Variants in KIF23 observed in about 807,000 individuals in gnomAD.
KIF23 encodes kinesin-like protein KIF23.
A neutral mutation model predicts 137.5 loss-of-function variants in KIF23; 30 were observed. That is an observed-to-expected ratio of 0.22 (90% CI 0.16 to 0.30). KIF23 has a LOEUF of 0.30. Among genes scored for constraint, KIF23 ranks in the 10% least tolerant of loss-of-function variants. The pLI is 1.00. For synonymous variants in KIF23, 367 were observed against 391.1 expected, an observed-to-expected ratio of 0.94 and a Z score of 0.73; for missense variants, 920 against 1,194.3, an observed-to-expected ratio of 0.77 and a Z score of 3.38.
intron 11 of KIF23, chr15:69,434,969 G>A (rs2057440252): frequency 1.6e-6 from 1 of 638,816 alleles, no homozygotes; most frequent in Non-Finnish European, 2.7e-6. Flanking sequence ...CCTCAGGTGT[G>A]TAGGCCGTGG....
chr15:69,419,159 T>C lies in KIF23; in HGVS notation c.210+1648T>C, dbSNP rs527562002. ...AAGAAACAAACAAACAAAAAACAAC[T>C]TTCTAAACATTTAAGTAGTCTGGTA... On this transcript the variant is annotated intron_variant, in intron 3 of 23. Transcript: ENST00000679126. Among the ~76,000 whole-genome samples the C allele has an allele frequency of 1.2e-4, 18 of 152,118 alleles. 1 individual carries two copies. The South Asian group carries it at 3.1e-3, about 26-fold the overall frequency.
At chr15:69,440,637 T>G in intron 18 of KIF23, 131 bp from the exon 19 acceptor site, 1 of 1,127,216 alleles carries the variant, frequency 8.9e-7, no homozygotes, top group African/African-American at 1.6e-5. Context: ...AAACACAAAT[T>G]TAGCACAAAA....
At chr15:69,434,377 G>A in intron 11 of KIF23, 1 of 252,098 alleles carries the variant, frequency 4.0e-6, no homozygotes, top group South Asian at 7.9e-5. Flanking sequence ...TTAAATAATT[G>A]GTTTCTTATT....
chr15:69,427,354 T>A (rs2057225740), intron 10 of KIF23: 1 of 454,736 alleles, frequency 2.2e-6, no homozygotes, highest in Non-Finnish European at 4.4e-6. Flanking sequence ...AAACTTTTTT[T>A]TCCCCATTAT....
intron 16 of KIF23, among the ~76,000 whole-genome samples, 178 bp downstream of exon 16, chr15:69,438,583 A>C (rs1336952486): frequency 6.6e-6 from 1 of 152,058 alleles, no homozygotes; most frequent in East Asian, 1.9e-4. Context: ...AGATCATCTG[A>C]GGTCAGGAGT....
chr15:69,418,800 C>G (rs144445997), intron 3 of KIF23, among the ~76,000 whole-genome samples: 323 of 152,266 alleles, frequency 2.1e-3, no homozygotes, highest in Non-Finnish European at 3.6e-3. Flanking sequence ...AGAGATGAGC[C>G]TATTGAATAC....
intron 16 of KIF23, among the ~76,000 whole-genome samples, chr15:69,439,604 A>G (rs140663108): frequency 2.1e-4 from 32 of 152,310 alleles, no homozygotes; most frequent in Non-Finnish European, 1.3e-4. Context: ...GTCTCAACCA[A>G]TATAGTTTTT....
At chr15:69,436,437 TA>T in intron 14 of KIF23, 126 bp from the exon 15 acceptor site, 1 of 1,194,888 alleles carries the variant, frequency 8.4e-7, no homozygotes, top group Non-Finnish European at 1.2e-6. Context: ...CTTAGGTAAG[TA>T]AACTTATGTC....
At position 69,444,921 on chromosome 15, in the gene KIF23, T is replaced by C. The variant is rs1336245430; in HGVS notation, c.2553T>C (p.His851=). 2 of 1,614,096 alleles carry C rather than the reference T, an allele frequency of 1.2e-6. No homozygotes were observed. The highest frequency in any genetic ancestry group is 3.3e-5 in the Admixed American group (2 of 59,994). ...NMQTETVMQP[H]VPHAITVSVA... ...AAACTGAAACAGTCATGCAGCCACA[T>C]GTCCCTCATGCCATCACAGTATCTG... Residue 851 remains histidine, a synonymous_variant, in exon 20 of 24, where the codon CAT becomes CAC. Coordinates refer to ENST00000679126, the MANE Select transcript of KIF23 (RefSeq NM_001367805.3). This position sits in a 1 kb window ranked among gnomAD's most constrained non-coding sequence, Gnocchi z 4.2.
chr15:69,437,683 A>G (rs1340517777), intron 15 of KIF23, among the ~76,000 whole-genome samples: 1 of 150,872 alleles, frequency 6.6e-6, no homozygotes, highest in Non-Finnish European at 1.5e-5. Flanking sequence ...CTGGTCTCAA[A>G]CTCCTGACAT....
At chr15:69,419,866 A>G (rs1595980234) in intron 3 of KIF23, among the ~76,000 whole-genome samples, 1 of 152,340 alleles carries the variant, frequency 6.6e-6, no homozygotes, top group East Asian at 1.9e-4. Context: ...AATTTCAAGT[A>G]TGTATAAATA....
chr15:69,433,375 T>C (rs1418460446), intron 11 of KIF23, among the ~76,000 whole-genome samples: 4 of 152,238 alleles, frequency 2.6e-5, no homozygotes, highest in Non-Finnish European at 5.9e-5. Context: ...TTGATTAGAC[T>C]GTTAGACTTG....
chr15:69,435,989 T>C (rs1458527095), intron 13 of KIF23, 149 bp from the exon 14 acceptor site: 1 of 1,174,602 alleles, frequency 8.5e-7, no homozygotes, highest in Non-Finnish European at 1.2e-6. Flanking sequence ...AGGTCGAAGC[T>C]GCAGTGAGTC....
intron 10 of KIF23, 86 bp downstream of exon 10, chr15:69,426,543 A>C (rs2057197887): frequency 7.6e-6 from 11 of 1,449,746 alleles, no homozygotes; most frequent in Non-Finnish European, 1.0e-5. Context: ...CATGGCAAAA[A>C]CCTGTCTCGA....
intron 8 of KIF23, 131 bp from the exon 9 acceptor site, chr15:69,425,939 T>C: frequency 4.8e-6 from 1 of 208,898 alleles, no homozygotes; most frequent in Non-Finnish European, 9.1e-6. Flanking sequence ...GTTATATATA[T>C]ATTATAAAAT....
At chr15:69,426,036 T>C in intron 8 of KIF23, 34 bp from the exon 9 acceptor site, 1 of 1,358,416 alleles carries the variant, frequency 7.4e-7, no homozygotes, top group Non-Finnish European at 1.0e-6. Context: ...CATCTCATAA[T>C]TTAGGAGACT....
intron 11 of KIF23, among the ~76,000 whole-genome samples, chr15:69,431,389 G>A (rs1410209426): frequency 3.9e-5 from 6 of 152,158 alleles, no homozygotes; most frequent in South Asian, 2.1e-4. Context: ...CAAGGCAGGC[G>A]GATCACGAGG....
rs770236490 is a variant in KIF23, at chr15:69,445,020, G to A, written c.2652G>A (p.Glu884=). Residue 884 remains glutamate, a synonymous_variant, in exon 20 of 24, where the codon GAG becomes GAA. Coordinates refer to ENST00000679126, the MANE Select transcript of KIF23 (RefSeq NM_001367805.3). ...ACCAGGAACTAGCCTCCGATGGGGA[G>A]ATTGAAACTAAACTAATTAAGGTAA... ...LTHQELASDG[E]IETKLIKGDI... is the part of the protein sequence containing the mutation. The A allele has an allele frequency of 9.9e-6, 16 of 1,611,128 alleles. No homozygotes were observed. The Admixed American group carries it at 1.7e-4, about 17-fold the overall frequency.
At chr15:69,447,036 T>A in intron 23 of KIF23, 95 bp downstream of exon 23, 2 of 1,162,162 alleles carry the variant, frequency 1.7e-6, no homozygotes, top group South Asian at 2.5e-5. Flanking sequence ...CACTTATTCT[T>A]CAGAAGAAAT....
Sources: gnomAD v4.1 joint callset for allele counts (sites outside exome capture counted in the v4.1 genomes callset) on GRCh38, gnomAD v4.1.1 for gene constraint, Gnocchi (gnomAD v3.1) non-coding constraint, MANE v1.5 for transcripts, NCBI Gene and HGNC (gene_info 2026-07-23, HGNC 2026-07-21) for gene names.